Variants in AK5 observed in about 807,000 individuals in gnomAD.
AK5 encodes adenylate kinase isoenzyme 5.
Under a neutral mutation model 69.5 loss-of-function variants are expected in AK5, and 27 were observed. The ratio of observed to expected loss-of-function variants is 0.39; its 90% CI spans 0.29 to 0.54. AK5 has a LOEUF of 0.54. AK5 is among the 20% of genes least tolerant of loss of function. The probability of loss-of-function intolerance (pLI) is 0.71; values close to 1 mark genes in which losing one functional copy is unlikely to be tolerated. For missense variants in AK5, 531 were observed against 700.4 expected (o/e 0.76, Z 2.73); for synonymous variants, 260 against 244.4 (o/e 1.06, Z -0.60).
At chr1:77,328,445 A>C (rs941297112) in intron 5 of AK5, among the ~76,000 whole-genome samples, 3 of 152,060 alleles carry the variant, frequency 2.0e-5, no homozygotes, top group African/African-American at 7.2e-5. Context: ...GGTTGCAGTG[A>C]GCCGAGATCG....
intron 8 of AK5, among the ~76,000 whole-genome samples, chr1:77,441,933 C>G (rs571407918): frequency 3.3e-5 from 5 of 152,178 alleles, no homozygotes; most frequent in Non-Finnish European, 7.4e-5. Flanking sequence ...CTCTGAGGTA[C>G]CCCCTAGCAG....
chr1:77,339,121 T>C (rs897719382), intron 5 of AK5, among the ~76,000 whole-genome samples: 1 of 152,274 alleles, frequency 6.6e-6, no homozygotes, highest in Admixed American at 6.5e-5. Flanking sequence ...TTCATATATA[T>C]ATTTTACAAT....
chr1:77,367,595 A>ATG (rs1553139762), intron 6 of AK5, among the ~76,000 whole-genome samples: 1 of 91,126 alleles, frequency 1.1e-5, no homozygotes, highest in East Asian at 2.9e-4. Flanking sequence ...TATGTTATAT[A>ATG]TGTAATATAT....
rs1432498300 is a variant in AK5 at position 77,367,573 on chromosome 1, A to ATGT, written c.891+27006_891+27007insGTT. ...ATGTTATTTTTATATATATATATAT[A>ATGT]TATATAATATATATGTTATATATGT... is the stretch of plus-strand genomic sequence containing the variant. On this transcript the variant is annotated intron_variant, in intron 6 of 13. Coordinates refer to ENST00000354567, the MANE Select transcript of AK5 (RefSeq NM_174858.3). 4.9e-3 allele frequency among the ~76,000 whole-genome samples: 52 copies of ATGT among 10,706 alleles called. 3 individuals carry two copies. The highest frequency in any genetic ancestry group is 0.1 in the Middle Eastern group (1 of 10). The allele number at this position is 10,706 out of a possible 152,430, so 7.0% of individuals were successfully genotyped here. A position where few individuals can be genotyped will look rare whatever the true frequency, so the allele number is the denominator to read the frequency against.
chr1:77,428,415 C>G (rs1188167113), intron 8 of AK5, among the ~76,000 whole-genome samples: 2 of 152,094 alleles, frequency 1.3e-5, no homozygotes, highest in Non-Finnish European at 2.9e-5. Context: ...AACAAATGCC[C>G]CATCAATAAA....
At chr1:77,420,647 T>C (rs1363328923) in intron 8 of AK5, among the ~76,000 whole-genome samples, 3 of 152,214 alleles carry the variant, frequency 2.0e-5, no homozygotes, top group South Asian at 2.1e-4. Flanking sequence ...ACCATAAAGC[T>C]AGCAAGCTGT....
chr1:77,391,525 A>ATATATATATATATATATATG (rs146163792), intron 6 of AK5, among the ~76,000 whole-genome samples: 13 of 121,674 alleles, frequency 1.1e-4, no homozygotes, highest in Non-Finnish European at 1.9e-4. Flanking sequence ...ATATATATAT[A>ATATATATATATATATATATG]TATCTCCTCA....
intron 8 of AK5, among the ~76,000 whole-genome samples, chr1:77,430,107 G>A (rs1469405795): frequency 8.0e-5 from 12 of 149,900 alleles, no homozygotes; most frequent in African/African-American, 2.7e-4. Context: ...AAAACACATT[G>A]GAGAAAAGCA....
chr1:77,351,927 C>CTTTTTTTT (rs10658959), intron 6 of AK5, among the ~76,000 whole-genome samples: 15 of 138,170 alleles, frequency 1.1e-4, no homozygotes, highest in Non-Finnish European at 7.6e-5. Context: ...GCAAGTAATT[C>CTTTTTTTT]TTTTTTTTTT....
intron 10 of AK5, among the ~76,000 whole-genome samples, chr1:77,509,848 A>G (rs1004550823): frequency 6.6e-6 from 1 of 152,186 alleles, no homozygotes; most frequent in Non-Finnish European, 1.5e-5. Context: ...TTTAAACATC[A>G]CCAACAGTAG....
chr1:77,531,815 G>T (rs1181390105), intron 12 of AK5, among the ~76,000 whole-genome samples: 1 of 150,606 alleles, frequency 6.6e-6, no homozygotes, highest in Non-Finnish European at 1.5e-5. Flanking sequence ...GGCTGCGCTC[G>T]TCGGGGAGGC....
At chr1:77,353,804 C>G (rs1662345435) in intron 6 of AK5, among the ~76,000 whole-genome samples, 1 of 152,182 alleles carries the variant, frequency 6.6e-6, no homozygotes, top group Non-Finnish European at 1.5e-5. Flanking sequence ...CTAGTTTAAC[C>G]CAACCTGGCA....
At chr1:77,300,983 A>G (rs1213420349) in intron 5 of AK5, among the ~76,000 whole-genome samples, 1 of 152,210 alleles carries the variant, frequency 6.6e-6, no homozygotes, top group East Asian at 1.9e-4. Flanking sequence ...ACATACACAC[A>G]TGCCAACATT....
intron 13 of AK5, among the ~76,000 whole-genome samples, chr1:77,539,506 G>A (rs1422605003): frequency 6.6e-5 from 10 of 152,190 alleles, no homozygotes; most frequent in African/African-American, 2.4e-4. Context: ...CCACACAGCT[G>A]CAAAGATGAA....
intron 10 of AK5, among the ~76,000 whole-genome samples, chr1:77,514,167 C>T (rs1051330156): frequency 9.9e-5 from 15 of 152,160 alleles, no homozygotes; most frequent in Admixed American, 9.2e-4. Context: ...TCACAGACAA[C>T]TTCAAAATAG....
At chr1:77,522,028 C>G (rs919736881) in intron 12 of AK5, 85 bp downstream of exon 12, 3 of 1,060,412 alleles carry the variant, frequency 2.8e-6, no homozygotes, top group Non-Finnish European at 4.1e-6. Flanking sequence ...CTATTTCTTT[C>G]CCAATTACAT....
chr1:77,354,337 G>T (rs973738613), intron 6 of AK5, among the ~76,000 whole-genome samples: 23 of 152,236 alleles, frequency 1.5e-4, no homozygotes, highest in African/African-American at 4.8e-4. Flanking sequence ...TAATGGGGGG[G>T]TACTGAAAGA....
At chr1:77,489,706 G>A (rs547511558) in intron 10 of AK5, among the ~76,000 whole-genome samples, 8 of 152,204 alleles carry the variant, frequency 5.3e-5, no homozygotes, top group Admixed American at 3.9e-4. Flanking sequence ...CTCACTATTC[G>A]CCTTAAGACA....
intron 5 of AK5, among the ~76,000 whole-genome samples, chr1:77,317,178 G>A (rs931604202): frequency 2.6e-5 from 4 of 152,112 alleles, no homozygotes; most frequent in African/African-American, 4.8e-5. Flanking sequence ...CAACTGTTGA[G>A]TGCTGGAACA....
Sources: allele counts gnomAD v4.1 joint callset (sites outside exome capture counted in the v4.1 genomes callset), GRCh38; gene constraint gnomAD v4.1.1; transcripts MANE v1.5; gene names NCBI Gene and HGNC (gene_info 2026-07-23, HGNC 2026-07-21).